The following WDR86 variants were observed in gnomAD, a reference collection of about 807,000 sequenced individuals.
WDR86 encodes WD repeat domain 86.
In WDR86, 30 loss-of-function variants were observed where a neutral mutation model predicts 36.5. That is an observed-to-expected ratio of 0.82 (90% CI 0.61 to 1.11). The LOEUF (loss-of-function observed/expected upper bound fraction) is 1.11. WDR86 is among the 50% of genes most tolerant of loss of function. The pLI is 0.00. For synonymous variants in WDR86, 255 were observed against 252.9 expected, an observed-to-expected ratio of 1.01 and a Z score of -0.08; for missense variants, 545 against 561.2, an observed-to-expected ratio of 0.97 and a Z score of 0.29.
In WDR86 at chr7:151,409,022, G is replaced by A. The variant is rs1301992751; in HGVS notation, c.163+405C>T. 2.1e-6 allele frequency: 1 copy of A among 487,646 alleles called. No homozygotes were observed. The highest frequency in any genetic ancestry group is 6.5e-5 in the East Asian group (1 of 15,490). The allele number at this position is 487,646 out of a possible 1,614,324, so 30.2% of individuals were successfully genotyped here. On this transcript the variant is annotated intron_variant, in intron 1 of 5. Transcript: ENST00000334493. The surrounding 1 kb of genome is among the most constrained non-coding windows in gnomAD (Gnocchi z 5.2). ...GTCAACAGGAAATGCCAGCAGAAGA[G>A]CACAATTGGCCACAAAGAGGCCACA... is the stretch of plus-strand genomic sequence containing the variant.
the WDR86 span, chr7:151,369,033 A>G: frequency 1.1e-6 from 1 of 934,108 alleles, no homozygotes. Context: ...CTTGAGACAG[A>G]GTCTCACTTT....
chr7:151,377,042 T>C, downstream of WDR86: 1 of 1,538,376 alleles, frequency 6.5e-7, no homozygotes, highest in South Asian at 1.2e-5. Context: ...GGTATTTTAT[T>C]GTAGGAACCT....
chr7:151,372,210 A>G (rs6963048), downstream of WDR86, among the ~76,000 whole-genome samples: 15,804 of 152,204 alleles, frequency 0.1, 1,214 homozygotes, highest in East Asian at 0.34. Context: ...TTGAGATCTG[A>G]TTCTACTTAA....
At chr7:151,402,782 G>A (rs1800436705) in intron 1 of WDR86, among the ~76,000 whole-genome samples, 1 of 152,196 alleles carries the variant, frequency 6.6e-6, no homozygotes, top group Non-Finnish European at 1.5e-5. Flanking sequence ...CTATCTCATG[G>A]GTGCAGTTAG....
intron 1 of WDR86, among the ~76,000 whole-genome samples, chr7:151,403,775 A>G (rs1474312610): frequency 6.6e-6 from 1 of 152,190 alleles, no homozygotes; most frequent in Admixed American, 6.5e-5. Flanking sequence ...TAAGATTGTC[A>G]ATAAACTTTC....
intron 1 of WDR86, chr7:151,408,938 A>ACGGCACACTTCT: frequency 2.1e-6 from 1 of 472,148 alleles, no homozygotes; most frequent in Admixed American, 2.3e-5. Flanking sequence ...TAGTGTGACG[A>ACGGCACACTTCT]CGGCACACTT....
chr7:151,370,921 A>G (rs1190139125), downstream of WDR86, among the ~76,000 whole-genome samples: 4 of 152,222 alleles, frequency 2.6e-5, no homozygotes, highest in Non-Finnish European at 5.9e-5. Context: ...ACTATAGTTC[A>G]TAAAACATTG....
rs534014089 is a variant in WDR86 at position 151,401,762 on chromosome 7, G to A, written c.164-1521C>T. Among the ~76,000 whole-genome samples the A allele has an allele frequency of 6.6e-6, 1 of 151,892 alleles. No homozygotes were observed. Among genetic ancestry groups the A allele is most frequent in the African/African-American group, 2.4e-5 (1 of 41,310 alleles). On this transcript the variant is annotated intron_variant, in intron 1 of 5. Transcript: ENST00000334493. The surrounding 1 kb of genome is among the most constrained non-coding windows in gnomAD (Gnocchi z 4.3). ...TATCCGGGGGGTCCTAAATACAACC[G>A]CAAGTGGCCAGGCGCGGTGGCTCAC...
rs773140546 is a variant in WDR86, at chr7:151,381,973, C to G, written c.871G>C (p.Gly291Arg). 2.5e-6 allele frequency: 4 copies of G among 1,602,558 alleles called. No individual in the cohort carries two copies. Among genetic ancestry groups the G allele is most frequent in the African/African-American group, 1.3e-5 (1 of 74,886 alleles). Reference sequence around the variant, plus strand: ...GCCCGGGCGCAAGCGTCCCCGCTGCCCGTGAACACTGCGGACACACAGCGC... The same window carrying G: ...GCCCGGGCGCAAGCGTCCCCGCTGCGCGTGAACACTGCGGACACACAGCGC... ...LKYHAGTLFT[G>R]SGDACARAFD... Residue 291 changes from glycine to arginine, a missense_variant, in exon 5 of 6, where the codon GGC (glycine) becomes CGC (arginine). Physicochemically the swap from Gly to Arg is moderately radical, Grantham distance 125 (BLOSUM62 -2). Coordinates refer to ENST00000334493, the MANE Select transcript of WDR86 (RefSeq NM_198285.3). The surrounding 1 kb of genome is among the most constrained non-coding windows in gnomAD (Gnocchi z 4.8).
At chr7:151,399,368 G>GC (rs1391088137) in intron 2 of WDR86, among the ~76,000 whole-genome samples, 1 of 151,762 alleles carries the variant, frequency 6.6e-6, no homozygotes, top group African/African-American at 2.4e-5. Flanking sequence ...TCTGGTCTGC[G>GC]CCCCCAGCCC....
intron 1 of WDR86, among the ~76,000 whole-genome samples, chr7:151,402,155 G>A (rs1410117421): frequency 2.7e-5 from 4 of 147,978 alleles, no homozygotes; most frequent in Non-Finnish European, 4.4e-5. Flanking sequence ...AGAGGAGGCC[G>A]TGAAGGTGAA....
At chr7:151,400,507 G>A (rs1261143197) in intron 1 of WDR86, among the ~76,000 whole-genome samples, 1 of 152,116 alleles carries the variant, frequency 6.6e-6, no homozygotes, top group African/African-American at 2.4e-5. Flanking sequence ...TCAGCCTCCT[G>A]AGTAGCTGAG....
In WDR86 at chr7:151,401,510, G is replaced by A. The variant is rs1369048611; in HGVS notation, c.164-1269C>T. On this transcript the variant is annotated intron_variant, in intron 1 of 5. Transcript: ENST00000334493. The surrounding 1 kb of genome is among the most constrained non-coding windows in gnomAD (Gnocchi z 4.3). ...TTTCCTCACCTGGGATGGGGACAAT[G>A]CCTGCCTCACGGGATGTAGCGCAGA... Among the ~76,000 whole-genome samples the A allele has an allele frequency of 2.0e-5, 3 of 152,256 alleles. No individual in the cohort carries two copies. Among genetic ancestry groups the A allele is most frequent in the Admixed American group, 2.0e-4 (3 of 15,300 alleles).
At position 151,383,750 on chromosome 7, in the gene WDR86, T is replaced by C. The variant is rs562152357; in HGVS notation, c.862+1338A>G. On this transcript the variant is annotated intron_variant, in intron 4 of 5. Coordinates refer to ENST00000334493, the MANE Select transcript of WDR86 (RefSeq NM_198285.3). Reference sequence around the variant, plus strand: ...AATGGACATGGCCTGGAAAACCCAGTGTGGCTGCTGAGCTCCCCGCGGGTG... The same window carrying C: ...AATGGACATGGCCTGGAAAACCCAGCGTGGCTGCTGAGCTCCCCGCGGGTG... 3.5e-4 allele frequency among the ~76,000 whole-genome samples: 53 copies of C among 152,310 alleles called. 1 individual carries two copies. In the East Asian group the frequency reaches 5.8e-3, roughly 17 times the overall value.
chr7:151,405,588 G>T lies in WDR86; in HGVS notation c.163+3839C>A, dbSNP rs1162792583. ...AATGGACACTGACGTGGCCACCAGA[G>T]ACTTGTAGCAAATCTGCAAGCCCCC... On this transcript the variant is annotated intron_variant, in intron 1 of 5. Coordinates refer to ENST00000334493, the MANE Select transcript of WDR86 (RefSeq NM_198285.3). This position sits in a 1 kb window ranked among gnomAD's most constrained non-coding sequence, Gnocchi z 4.7. Among the ~76,000 whole-genome samples the T allele has an allele frequency of 6.6e-6, 1 of 152,198 alleles. No individual in the cohort carries two copies. Among genetic ancestry groups the T allele is most frequent in the African/African-American group, 2.4e-5 (1 of 41,458 alleles).
At chr7:151,407,425 G>A (rs980634505) in intron 1 of WDR86, among the ~76,000 whole-genome samples, 94 of 152,216 alleles carry the variant, frequency 6.2e-4, no homozygotes, top group African/African-American at 2.2e-3. Context: ...CAAAGCCTGG[G>A]GCCTCACTGG....
chr7:151,400,291 C>T (rs1246799997), intron 1 of WDR86, 50 bp from the exon 2 acceptor site: 2 of 1,485,766 alleles, frequency 1.3e-6, no homozygotes, highest in Non-Finnish European at 9.0e-7. Context: ...ATGCCAGCTC[C>T]TGCTTTTCTT....
At chr7:151,372,773 G>A (rs11973759), downstream of WDR86, among the ~76,000 whole-genome samples, 3,881 of 152,250 alleles carry the variant, frequency 0.025, 169 homozygotes, top group African/African-American at 0.089. Flanking sequence ...GACGGAGCCT[G>A]CTGCCCTGTG....
At chr7:151,404,656 GC>G (rs1374450788) in intron 1 of WDR86, among the ~76,000 whole-genome samples, 3 of 152,186 alleles carry the variant, frequency 2.0e-5, no homozygotes, top group Non-Finnish European at 2.9e-5. Context: ...TGCAGAATAA[GC>G]AAAAAAGCCA....
Sources: gnomAD v4.1 joint callset for allele counts (sites outside exome capture counted in the v4.1 genomes callset) on GRCh38, gnomAD v4.1.1 for gene constraint, Gnocchi (gnomAD v3.1) non-coding constraint, MANE v1.5 for transcripts, NCBI Gene and HGNC (gene_info 2026-07-23, HGNC 2026-07-21) for gene names.